Variants in DLGAP1 observed in about 807,000 individuals in gnomAD.
The protein encoded by DLGAP1 is DLG associated protein 1, also known as disks large-associated protein 1.
In DLGAP1, 11 loss-of-function variants were observed where a neutral mutation model predicts 90.8. That is an observed-to-expected ratio of 0.12 (90% CI 0.08 to 0.20). The LOEUF is 0.20. Among genes scored for constraint, DLGAP1 ranks in the 10% least tolerant of loss-of-function variants. DLGAP1 has a pLI of 1.00. For missense variants in DLGAP1, 1,050 were observed against 1,333.8 expected (o/e 0.79, Z 3.31); for synonymous variants, 558 against 540.7 (o/e 1.03, Z -0.44).
At chr18:4,003,892 A>G (rs1390971509) in intron 3 of DLGAP1, among the ~76,000 whole-genome samples, 11 of 152,186 alleles carry the variant, frequency 7.2e-5, no homozygotes, top group South Asian at 6.2e-4. Flanking sequence ...ATGGTCAGGT[A>G]TTTGGTAAGA....
At chr18:3,874,123 A>G (rs2070916236) in intron 4 of DLGAP1, 5 of 1,549,516 alleles carry the variant, frequency 3.2e-6, no homozygotes, top group Non-Finnish European at 4.4e-6. Flanking sequence ...CTATTACCAA[A>G]TACAAAGTAA....
chr18:4,168,096 T>G (rs118029508), intron 1 of DLGAP1, among the ~76,000 whole-genome samples: 125 of 152,238 alleles, frequency 8.2e-4, no homozygotes, highest in East Asian at 4.6e-3. Context: ...TTTAAAAAAA[T>G]GTATATGGAA....
chr18:3,733,100 T>C (rs188990226), intron 6 of DLGAP1, among the ~76,000 whole-genome samples: 6 of 152,318 alleles, frequency 3.9e-5, no homozygotes, highest in Non-Finnish European at 5.9e-5. Context: ...GAAAACATTA[T>C]CAGTACTACC....
chr18:3,682,147 TAACG>T (rs1312204207), intron 7 of DLGAP1, among the ~76,000 whole-genome samples: 4 of 147,984 alleles, frequency 2.7e-5, no homozygotes, highest in Non-Finnish European at 4.5e-5. Context: ...AAAATAAAAA[TAACG>T]AACGAACTAA....
intron 7 of DLGAP1, among the ~76,000 whole-genome samples, chr18:3,728,481 TCTA>T (rs1180928367): frequency 6.6e-6 from 1 of 152,086 alleles, no homozygotes; most frequent in African/African-American, 2.4e-5. Context: ...GTGCCTAAAA[TCTA>T]CTGACAAAAA....
intron 1 of DLGAP1, chr18:4,281,011 T>A (rs2079536763): frequency 6.6e-6 from 1 of 152,242 alleles, no homozygotes; most frequent in Non-Finnish European, 1.5e-5. Context: ...TAACTTGAGA[T>A]ATCCTATGAG....
chr18:4,177,448 G>T (rs1007733736), intron 1 of DLGAP1, among the ~76,000 whole-genome samples: 3 of 151,756 alleles, frequency 2.0e-5, no homozygotes, highest in African/African-American at 7.3e-5. Flanking sequence ...TTTAGTTAGA[G>T]ACTCTGGTTC....
chr18:3,707,932 C>G lies in DLGAP1; in HGVS notation c.1591+21203G>C, dbSNP rs539979842. On this transcript the variant is annotated intron_variant, in intron 7 of 12. Transcript: ENST00000315677. Reference sequence around the variant, plus strand: ...CTCTTCTTGGCCAGGTCTGCAATCTCTTTTGAAATTCAGAATGACATTGTT... The same window carrying G: ...CTCTTCTTGGCCAGGTCTGCAATCTGTTTTGAAATTCAGAATGACATTGTT... Among the ~76,000 whole-genome samples the G allele has an allele frequency of 2.6e-4, 40 of 152,084 alleles. No homozygotes were observed. The Middle Eastern group carries it at 0.014, about 52-fold the overall frequency.
intron 9 of DLGAP1, among the ~76,000 whole-genome samples, chr18:3,561,253 T>TAAAAAA (rs1222676731): frequency 1.5e-5 from 1 of 66,374 alleles, no homozygotes; most frequent in African/African-American, 7.2e-5. Context: ...CCGTCTCTAC[T>TAAAAAA]AAAAAAAAAA....
Position 3,802,046 on chromosome 18 carries a change from G to A in DLGAP1, c.1172+12013C>T, listed in dbSNP as rs188581013. 1.6e-4 allele frequency among the ~76,000 whole-genome samples: 24 copies of A among 150,696 alleles called. No individual in the cohort carries two copies. The East Asian group carries it at 4.0e-3, about 25-fold the overall frequency. Reference sequence around the variant, plus strand: ...GTCACCCAGGCTGGAGTGCAGTGGCGTGATCTTGGCTCACTGTAACCTCTG... The same window carrying A: ...GTCACCCAGGCTGGAGTGCAGTGGCATGATCTTGGCTCACTGTAACCTCTG... On this transcript the variant is annotated intron_variant, in intron 5 of 12. Transcript: ENST00000315677.
At chr18:3,627,108 T>C (rs2058325326) in intron 7 of DLGAP1, among the ~76,000 whole-genome samples, 1 of 152,140 alleles carries the variant, frequency 6.6e-6, no homozygotes, top group Non-Finnish European at 1.5e-5. Flanking sequence ...TTAGTGCTAG[T>C]AATTTTTTTT....
intron 1 of DLGAP1, among the ~76,000 whole-genome samples, chr18:4,327,713 T>C (rs2143684589): frequency 6.6e-6 from 1 of 152,162 alleles, no homozygotes; most frequent in South Asian, 2.1e-4. Flanking sequence ...TTGTGAAAGC[T>C]CTCTTGCATC....
In DLGAP1 at chr18:4,334,195, G is replaced by A. The variant is rs545104495; in HGVS notation, c.-267+120811C>T. Among the ~76,000 whole-genome samples, 28 of 151,690 alleles carry A rather than the reference G, an allele frequency of 1.8e-4. 1 individual carries two copies. In the South Asian group the frequency reaches 3.5e-3, roughly 19 times the overall value. ...AGAGGTTGTGGTGAGCCGAGATCGC[G>A]TCATTGCACTCCAGCCCGGGCAACA... On this transcript the variant is annotated intron_variant, in intron 1 of 12. Coordinates refer to ENST00000315677, the MANE Select transcript of DLGAP1 (RefSeq NM_004746.4).
At chr18:4,279,077 T>G (rs956389372) in intron 1 of DLGAP1, among the ~76,000 whole-genome samples, 1 of 152,192 alleles carries the variant, frequency 6.6e-6, no homozygotes, top group Non-Finnish European at 1.5e-5. Context: ...GCAAAGGCAA[T>G]GGTTACATGG....
intron 4 of DLGAP1, among the ~76,000 whole-genome samples, chr18:3,870,864 C>T (rs577760751): frequency 4.7e-4 from 72 of 152,274 alleles, no homozygotes; most frequent in Admixed American, 1.2e-3. Context: ...ACGTGGTTTA[C>T]CATGATCCAG....
intron 3 of DLGAP1, among the ~76,000 whole-genome samples, chr18:3,916,184 C>T (rs1177370697): frequency 6.6e-6 from 1 of 152,132 alleles, no homozygotes; most frequent in Non-Finnish European, 1.5e-5. Context: ...CTGAATAGCC[C>T]AAGGACAGGG....
chr18:4,238,559 T>A (rs1447202301), intron 1 of DLGAP1, among the ~76,000 whole-genome samples: 1 of 152,182 alleles, frequency 6.6e-6, no homozygotes, highest in Non-Finnish European at 1.5e-5. Flanking sequence ...TACCTCTTTT[T>A]CACTCTCGAT....
chr18:4,103,878 A>G (rs1325346282), intron 2 of DLGAP1, among the ~76,000 whole-genome samples: 2 of 152,180 alleles, frequency 1.3e-5, no homozygotes, highest in Non-Finnish European at 2.9e-5. Flanking sequence ...CTAGCTACAC[A>G]TAGTTCATAT....
At chr18:3,781,397 G>T (rs1475356318) in intron 5 of DLGAP1, among the ~76,000 whole-genome samples, 4 of 151,040 alleles carry the variant, frequency 2.6e-5, no homozygotes, top group African/African-American at 9.7e-5. Context: ...TGTTGCCCAG[G>T]CTGGAGGGCA....
Sources: gnomAD v4.1 joint callset for allele counts (sites outside exome capture counted in the v4.1 genomes callset) on GRCh38, gnomAD v4.1.1 for gene constraint, MANE v1.5 for transcripts, NCBI Gene and HGNC (gene_info 2026-07-23, HGNC 2026-07-21) for gene names.